PAX7: variants seen among roughly 807,000 people sequenced by gnomAD.
PAX7 encodes the protein paired box 7.
PAX7 carries 18 observed loss-of-function variants against 50.7 expected under a neutral mutation model. The ratio of observed to expected loss-of-function variants is 0.36; its 90% CI spans 0.25 to 0.53. The LOEUF (loss-of-function observed/expected upper bound fraction) is 0.53. PAX7 is among the 20% of genes least tolerant of loss of function. The probability of loss-of-function intolerance (pLI) is 0.93; values close to 1 mark genes in which losing one functional copy is unlikely to be tolerated. For missense variants in PAX7, 644 were observed against 702.9 expected (o/e 0.92, Z 0.95); for synonymous variants, 310 against 290.4 (o/e 1.07, Z -0.69).
At position 18,637,404 on chromosome 1, in the gene PAX7, AAC is replaced by A. The variant is rs201655427; in HGVS notation, c.586+1037_586+1038del. 8.6e-3 allele frequency among the ~76,000 whole-genome samples: 1,311 copies of A among 152,286 alleles called. 17 individuals carry two copies. The highest frequency in any genetic ancestry group is 0.029 in the African/African-American group (1,212 of 41,560). ...ACTGACAGTTAAAGAAAAGGCCCCAAACACATACGCGGAGAGGCGGCAGGCTG... is the reference window on the plus strand; with the variant it reads ...ACTGACAGTTAAAGAAAAGGCCCCAAACATACGCGGAGAGGCGGCAGGCTG... On this transcript the variant is annotated intron_variant, in intron 4 of 8. Transcript: ENST00000420770.
At chr1:18,689,392 G>A (rs1166735254) in intron 4 of PAX7, among the ~76,000 whole-genome samples, 1 of 152,152 alleles carries the variant, frequency 6.6e-6, no homozygotes, top group Non-Finnish European at 1.5e-5. Flanking sequence ...CTGGGGGGCT[G>A]GGTAACTGGA....
intron 4 of PAX7, among the ~76,000 whole-genome samples, chr1:18,671,232 G>GA (rs2088744379): frequency 6.6e-6 from 1 of 152,182 alleles, no homozygotes; most frequent in Non-Finnish European, 1.5e-5. Flanking sequence ...AAAGAGAGGG[G>GA]GCCAGTGATG....
At chr1:18,707,958 T>A (rs968222632) in intron 7 of PAX7, among the ~76,000 whole-genome samples, 1 of 152,024 alleles carries the variant, frequency 6.6e-6, no homozygotes, top group Non-Finnish European at 1.5e-5. Flanking sequence ...AGAGCTGAGT[T>A]ATATGGGCAA....
intron 4 of PAX7, among the ~76,000 whole-genome samples, chr1:18,666,031 G>A (rs1031015869): frequency 2.3e-4 from 35 of 152,102 alleles, no homozygotes; most frequent in African/African-American, 8.4e-4. Context: ...GAAAGAGGCT[G>A]GGCATTGTGG....
chr1:18,709,506 G>C (rs148886565), intron 7 of PAX7, among the ~76,000 whole-genome samples: 3 of 152,096 alleles, frequency 2.0e-5, no homozygotes, highest in Admixed American at 1.3e-4. Context: ...CCTTCTCTCC[G>C]GTCCAGCCTG....
chr1:18,733,047 G>A (rs771642676), intron 7 of PAX7, among the ~76,000 whole-genome samples: 9 of 152,068 alleles, frequency 5.9e-5, no homozygotes, highest in South Asian at 4.1e-4. Flanking sequence ...AGCAGGGTCC[G>A]TGTTTGTGTT....
At chr1:18,648,438 C>G (rs1232804769) in intron 4 of PAX7, among the ~76,000 whole-genome samples, 2 of 150,496 alleles carry the variant, frequency 1.3e-5, no homozygotes, top group African/African-American at 4.9e-5. Context: ...ACCTCCCAGG[C>G]TCAAGCGATT....
intron 4 of PAX7, among the ~76,000 whole-genome samples, chr1:18,639,386 G>T (rs1312078635): frequency 8.0e-6 from 1 of 125,096 alleles, no homozygotes; most frequent in Non-Finnish European, 1.6e-5. Flanking sequence ...TATTCATGAG[G>T]CTGTTCATAT....
At chr1:18,645,369 G>A (rs1409457433) in intron 4 of PAX7, among the ~76,000 whole-genome samples, 2 of 152,230 alleles carry the variant, frequency 1.3e-5, no homozygotes, top group Non-Finnish European at 2.9e-5. Flanking sequence ...GATCAAAGAG[G>A]CCCCCGAGCG....
intron 4 of PAX7, among the ~76,000 whole-genome samples, chr1:18,684,052 C>T (rs1214733937): frequency 6.6e-6 from 1 of 152,234 alleles, no homozygotes; most frequent in Non-Finnish European, 1.5e-5. Context: ...AGTGCCCGCT[C>T]TTCCTGGCCT....
chr1:18,631,516 C>T lies in PAX7; in HGVS notation c.-88C>T, dbSNP rs1040311665. On this transcript the variant is annotated 5_prime_UTR_variant, in exon 1 of 9. In the 5' UTR this introduces an upstream ATG that the reference lacks. Transcript: ENST00000420770. ...GTTAAAAAAAAGAAGACGAAGAAGA[C>T]GGAAAGAAAGAGATCGCAGCAGGGG... 4.6e-6 allele frequency: 5 copies of T among 1,088,598 alleles called. No homozygotes were observed. Among genetic ancestry groups the T allele is most frequent in the Admixed American group, 4.1e-5 (2 of 48,918 alleles). The allele number at this position is 1,088,598 out of a possible 1,614,324, so 67.4% of individuals were successfully genotyped here. A position where few individuals can be genotyped will look rare whatever the true frequency, so the allele number is the denominator to read the frequency against.
At chr1:18,742,148 C>CTTTT (rs61248648) in intron 8 of PAX7, among the ~76,000 whole-genome samples, 8 of 103,554 alleles carry the variant, frequency 7.7e-5, no homozygotes, top group Non-Finnish European at 1.1e-4. Context: ...AATGAGGCTT[C>CTTTT]TTTTTTTTTT....
chr1:18,739,125 T>C (rs1202929340), intron 8 of PAX7, among the ~76,000 whole-genome samples: 1 of 152,226 alleles, frequency 6.6e-6, no homozygotes, highest in Admixed American at 6.5e-5. Context: ...AAATGCATGC[T>C]CCTCATTCAT....
intron 5 of PAX7, among the ~76,000 whole-genome samples, chr1:18,692,437 G>A (rs2089086443): frequency 6.6e-6 from 1 of 152,158 alleles, no homozygotes; most frequent in African/African-American, 2.4e-5. Context: ...AGCTACTCGG[G>A]AGGCTGAGGC....
At chr1:18,701,913 C>T (rs2089226877) in intron 6 of PAX7, among the ~76,000 whole-genome samples, 1 of 152,086 alleles carries the variant, frequency 6.6e-6, no homozygotes, top group Non-Finnish European at 1.5e-5. Flanking sequence ...AAGTCTGGGT[C>T]TCAGGAGAGA....
intron 4 of PAX7, among the ~76,000 whole-genome samples, chr1:18,668,535 T>C (rs1018930214): frequency 2.6e-5 from 4 of 152,006 alleles, no homozygotes; most frequent in African/African-American, 9.7e-5. Flanking sequence ...ACCCCATCTT[T>C]ACAAAAAATT....
intron 4 of PAX7, among the ~76,000 whole-genome samples, chr1:18,671,843 G>A (rs2088755071): frequency 6.6e-6 from 1 of 151,932 alleles, no homozygotes; most frequent in Non-Finnish European, 1.5e-5. Context: ...CAGGCATGGT[G>A]GTGCCCACCT....
At chr1:18,694,243 C>T (rs901552455) in intron 5 of PAX7, among the ~76,000 whole-genome samples, 2 of 152,120 alleles carry the variant, frequency 1.3e-5, no homozygotes, top group African/African-American at 4.8e-5. Context: ...AGGTGGATCA[C>T]CTGAGGTCGG....
intron 7 of PAX7, among the ~76,000 whole-genome samples, chr1:18,713,368 A>G (rs2089379213): frequency 6.6e-6 from 1 of 152,216 alleles, no homozygotes; most frequent in Non-Finnish European, 1.5e-5. Flanking sequence ...CACTTGTATT[A>G]TAACTAGGTG....
Sources: gnomAD v4.1 joint callset for allele counts (sites outside exome capture counted in the v4.1 genomes callset) on GRCh38, gnomAD v4.1.1 for gene constraint, MANE v1.5 for transcripts, NCBI Gene and HGNC (gene_info 2026-07-23, HGNC 2026-07-21) for gene names.